The following DIP2C variants were observed in gnomAD, a reference collection of about 807,000 sequenced individuals.
DIP2C encodes disco-interacting protein 2 homolog C.
Under a neutral mutation model 192.4 loss-of-function variants are expected in DIP2C, and 33 were observed. The observed-to-expected ratio is 0.17, with a 90% CI of 0.13 to 0.23. DIP2C has a LOEUF of 0.23. DIP2C is among the 10% of genes least tolerant of loss of function. DIP2C has a pLI of 1.00. For synonymous variants in DIP2C, 979 were observed against 864.1 expected (o/e 1.13, Z -2.33); for missense variants, 1,537 against 2,110.1 (o/e 0.73, Z 5.32).
intron 1 of DIP2C, among the ~76,000 whole-genome samples, chr10:497,506 A>C (rs1844919509): frequency 6.6e-6 from 1 of 152,224 alleles, no homozygotes; most frequent in African/African-American, 2.4e-5. Context: ...GACAGGGAGA[A>C]GCAGGCGTCC....
In DIP2C at chr10:413,930, A is replaced by C; in HGVS notation, c.1040T>G (p.Leu347Arg). 1 of 1,614,022 alleles carries C rather than the reference A, an allele frequency of 6.2e-7. No homozygotes were observed. The highest frequency in any genetic ancestry group is 8.5e-7 in the Non-Finnish European group (1 of 1,179,958). The change falls in exon 8 of 37, where the codon CTC becomes CGC. Residue 347 changes from leucine (L) to arginine (R), a missense_variant. Around this residue, in one of 4 missense-constraint regions of DIP2C, gnomAD observed 473 missense variants for 539.6 expected, o/e 0.88. Transcript: ENST00000280886. ...GGGATTACCGTAAGTGAGGATGTAGAGGGGCTTCCCGTTGGTGTCCATGGT... is the reference window on the plus strand; with the variant it reads ...GGGATTACCGTAAGTGAGGATGTAGCGGGGCTTCCCGTTGGTGTCCATGGT... ...LTTMDTNGKP[L>R]YILTYGKLWT... is the part of the protein sequence containing the mutation.
rs1254927576 is a variant in DIP2C, at chr10:462,207, CG to C, written c.268+10231del. On this transcript the variant is annotated intron_variant, in intron 3 of 36. Coordinates refer to ENST00000280886, the MANE Select transcript of DIP2C (RefSeq NM_014974.3). ...AGCAGAAATGAAGGAGACAGAGACA[CG>C]AAAAACTCTTCAAAAAAATCAATGA... is the stretch of plus-strand genomic sequence containing the variant. 5.9e-5 allele frequency among the ~76,000 whole-genome samples: 9 copies of C among 151,420 alleles called. 1 individual carries two copies. Among genetic ancestry groups the C allele is most frequent in the Admixed American group, 4.6e-4 (7 of 15,248 alleles).
chr10:528,137 C>T (rs189908890), intron 1 of DIP2C, among the ~76,000 whole-genome samples: 7 of 152,254 alleles, frequency 4.6e-5, no homozygotes, highest in East Asian at 3.9e-4. Context: ...GAAGGGTTTG[C>T]GAGAGAGAAA....
At chr10:643,412 G>T (rs1855301077) in intron 1 of DIP2C, among the ~76,000 whole-genome samples, 1 of 151,804 alleles carries the variant, frequency 6.6e-6, no homozygotes, top group Non-Finnish European at 1.5e-5. Flanking sequence ...TACTGGGGAG[G>T]CTGAGGCAGG....
chr10:668,338 G>GCACT (rs1312938337), intron 1 of DIP2C: 5 of 150,428 alleles, frequency 3.3e-5, no homozygotes, highest in African/African-American at 1.2e-4. Flanking sequence ...CATGTACAAG[G>GCACT]CACTCACACA....
At chr10:617,525 T>G (rs923970717) in intron 1 of DIP2C, among the ~76,000 whole-genome samples, 8 of 152,070 alleles carry the variant, frequency 5.3e-5, no homozygotes, top group Non-Finnish European at 1.0e-4. Flanking sequence ...CAGGGCCAAC[T>G]CCCAACAGTA....
chr10:375,850 C>T (rs1349526940), intron 17 of DIP2C, among the ~76,000 whole-genome samples: 2 of 134,240 alleles, frequency 1.5e-5, no homozygotes, highest in Admixed American at 7.9e-5. Flanking sequence ...ATCCCTTAAG[C>T]AAGTGAGTCA....
chr10:529,847 A>G (rs1268073906), intron 1 of DIP2C, among the ~76,000 whole-genome samples: 1 of 151,690 alleles, frequency 6.6e-6, no homozygotes, highest in Non-Finnish European at 1.5e-5. Flanking sequence ...TATTGCGATC[A>G]TGGCTCATCG....
intron 17 of DIP2C, among the ~76,000 whole-genome samples, chr10:382,401 C>T (rs753741746): frequency 2.6e-5 from 4 of 152,190 alleles, no homozygotes; most frequent in Non-Finnish European, 5.9e-5. Flanking sequence ...CGCCTCTAGA[C>T]AGTTCCACTT....
intron 1 of DIP2C, among the ~76,000 whole-genome samples, chr10:674,783 T>TAGAGAGAGAGAG (rs1389637055): frequency 7.2e-5 from 7 of 96,658 alleles, no homozygotes; most frequent in African/African-American, 4.0e-4. Flanking sequence ...TATATATATA[T>TAGAGAGAGAGAG]ATATATAGAG....
At chr10:458,167 T>A (rs1024915448) in intron 3 of DIP2C, among the ~76,000 whole-genome samples, 5 of 152,166 alleles carry the variant, frequency 3.3e-5, no homozygotes, top group Non-Finnish European at 7.3e-5. Flanking sequence ...TCTGGGGACA[T>A]CACAGTGGCT....
chr10:333,101 T>C (rs541616811), intron 29 of DIP2C, among the ~76,000 whole-genome samples: 5 of 152,174 alleles, frequency 3.3e-5, no homozygotes, highest in East Asian at 3.9e-4. Flanking sequence ...CGAGGTTTCA[T>C]CATGTTGGCC....
chr10:617,569 C>T (rs1424061994), intron 1 of DIP2C, among the ~76,000 whole-genome samples: 2 of 152,152 alleles, frequency 1.3e-5, no homozygotes, highest in Non-Finnish European at 2.9e-5. Flanking sequence ...TCCCACTCCA[C>T]CCACCTCCCA....
intron 1 of DIP2C, among the ~76,000 whole-genome samples, chr10:530,657 A>T (rs1476613067): frequency 3.4e-5 from 5 of 147,662 alleles, no homozygotes; most frequent in African/African-American, 1.3e-4. Context: ...ATCTCTTAAA[A>T]AAAAAAAAAA....
chr10:487,603 A>C (rs1303170274), intron 1 of DIP2C, among the ~76,000 whole-genome samples: 12 of 103,302 alleles, frequency 1.2e-4, no homozygotes, highest in African/African-American at 4.5e-4. Context: ...TTTTTGAGAC[A>C]GTCTCTCTCT....
intron 26 of DIP2C, among the ~76,000 whole-genome samples, chr10:347,637 C>A (rs61836775): frequency 5.7e-5 from 3 of 52,296 alleles, no homozygotes; most frequent in African/African-American, 9.6e-5. Context: ...CCAGACACAT[C>A]GCGCATAGTT....
At chr10:466,770 A>G (rs1030189064) in intron 3 of DIP2C, among the ~76,000 whole-genome samples, 1 of 150,890 alleles carries the variant, frequency 6.6e-6, no homozygotes, top group East Asian at 2.0e-4. Flanking sequence ...CAGCCAAAAA[A>G]CACATGAAAA....
Position 431,174 on chromosome 10 carries a change from T to C in DIP2C, c.395-8141A>G, listed in dbSNP as rs139966411. Among the ~76,000 whole-genome samples, 426 of 152,334 alleles carry C rather than the reference T, an allele frequency of 2.8e-3. 2 individuals are homozygous for C. The highest frequency in any genetic ancestry group is 9.9e-3 in the African/African-American group (410 of 41,574). On this transcript the variant is annotated intron_variant, in intron 4 of 36. Transcript: ENST00000280886. The stretch of plus-strand genomic sequence containing the variant: ...TCAACTTTGTTCTTCTTTTTCAATA[T>C]TGAAGTGGCTGTTCTGAGTCTTTCA...
intron 1 of DIP2C, among the ~76,000 whole-genome samples, chr10:645,331 G>C (rs1855392708): frequency 6.6e-6 from 1 of 152,168 alleles, no homozygotes; most frequent in Admixed American, 6.5e-5. Context: ...CGGCTGCAGG[G>C]GGTGTGGTGT....
Sources: gnomAD v4.1 joint callset for allele counts (sites outside exome capture counted in the v4.1 genomes callset) on GRCh38, gnomAD v4.1.1 for gene constraint, gnomAD v4.1.1 regional missense constraint, MANE v1.5 for transcripts, NCBI Gene and HGNC (gene_info 2026-07-23, HGNC 2026-07-21) for gene names.